DLX3: variants seen among roughly 807,000 people sequenced by gnomAD.
DLX3 encodes the protein homeobox protein DLX-3.
In DLX3, 9 loss-of-function variants were observed where a neutral mutation model predicts 28.0. The observed-to-expected ratio is 0.32, with a 90% CI of 0.19 to 0.56. The LOEUF is 0.56. Ranked by LOEUF, DLX3 falls within the 20% of genes least tolerant of loss-of-function variation. The pLI is 0.91. For synonymous variants in DLX3, 154 were observed against 167.9 expected (o/e 0.92, Z 0.64); for missense variants, 313 against 378.2 (o/e 0.83, Z 1.43).
intron 1 of DLX3, among the ~76,000 whole-genome samples, chr17:49,994,250 T>C (rs1197159374): frequency 6.6e-6 from 1 of 151,604 alleles, no homozygotes; most frequent in Non-Finnish European, 1.5e-5. Flanking sequence ...GTCCTTCTCA[T>C]TGCCCCCTCA....
intron 1 of DLX3, among the ~76,000 whole-genome samples, chr17:49,993,874 C>G (rs1056497091): frequency 6.6e-6 from 1 of 152,116 alleles, no homozygotes; most frequent in African/African-American, 2.4e-5. Context: ...GCTTCGCTCA[C>G]GACGCCTTCC....
chr17:49,991,595 T>C lies in DLX3; in HGVS notation c.786A>G (p.Leu262=). Residue 262 remains leucine (L), a synonymous_variant, in exon 3 of 3, where the codon TTA becomes TTG. Transcript: ENST00000434704. Reference sequence around the variant, plus strand: ...TGGCTGGCTGAGGCGGCTGCTGCTGTAAGTGGGGTCCACTCAGGTTCTGTG... The same window carrying C: ...TGGCTGGCTGAGGCGGCTGCTGCTGCAAGTGGGGTCCACTCAGGTTCTGTG... ...YHAQNLSGPH[L]QQQPPQPATL... is the part of the protein sequence containing the mutation. 6.2e-7 allele frequency: 1 copy of C among 1,613,286 alleles called. No individual in the cohort carries two copies.
chr17:49,993,679 C>A, intron 1 of DLX3, 89 bp from the exon 2 acceptor site: 1 of 1,443,126 alleles, frequency 6.9e-7, no homozygotes, highest in East Asian at 2.6e-5. Flanking sequence ...GGACGCCCCT[C>A]GCTTCCGCCC....
intron 1 of DLX3, 187 bp from the exon 2 acceptor site, chr17:49,993,777 GC>G: frequency 2.2e-6 from 1 of 446,110 alleles, no homozygotes; most frequent in Middle Eastern, 6.5e-4. Flanking sequence ...ACTGGCCGCG[GC>G]CCACAACGCG....
At position 49,991,493 on chromosome 17, in the gene DLX3, C is replaced by T; in HGVS notation, c.*24G>A. ...TCTGCCTGGTCCTGGGGTCCTTTGT[C>T]AAGGGTGCAGGCCAGATGGGTGCTC... On this transcript the variant is annotated 3_prime_UTR_variant, in exon 3 of 3. Coordinates refer to ENST00000434704, the MANE Select transcript of DLX3 (RefSeq NM_005220.3). 6.3e-7 allele frequency: 1 copy of T among 1,575,296 alleles called. No homozygotes were observed. Among genetic ancestry groups the T allele is most frequent in the South Asian group, 1.1e-5 (1 of 87,582 alleles).
intron 2 of DLX3, 28 bp downstream of exon 2, chr17:49,993,372 C>T: frequency 6.4e-7 from 1 of 1,572,360 alleles, no homozygotes; most frequent in Non-Finnish European, 8.6e-7. Flanking sequence ...CCGCGCGCCC[C>T]CGCGGCCCTG....
In DLX3 at chr17:49,994,739, G is replaced by A; in HGVS notation, c.260C>T (p.Thr87Ile). 1 of 1,614,190 alleles carries A rather than the reference G, an allele frequency of 6.2e-7. No individual in the cohort carries two copies. The highest frequency in any genetic ancestry group is 1.3e-5 in the African/African-American group (1 of 75,048). The part of the protein sequence containing the change: ...TGAYSPKSEY[T>I]YGASYRQYGA... ...GTATTGCCGGTAGGAGGCTCCGTAG[G>A]TATATTCCGACTTGGGCGAGTAAGC... Residue 87 changes from threonine (T) to isoleucine (I), a missense_variant, in exon 1 of 3, where the codon ACC becomes ATC. Around this residue, in one of 3 missense-constraint regions of DLX3, gnomAD observed 183 missense variants for 197.7 expected, o/e 0.93. Coordinates refer to ENST00000434704, the MANE Select transcript of DLX3 (RefSeq NM_005220.3).
chr17:49,990,301 A>C lies in DLX3; in HGVS notation c.*1216T>G, dbSNP rs894486710. The C allele has an allele frequency of 6.6e-6, 1 of 151,840 alleles. No individual in the cohort carries two copies. The highest frequency in any genetic ancestry group is 1.5e-5 in the Non-Finnish European group (1 of 67,974). The allele number at this position is 151,840 out of a possible 1,614,324, so 9.4% of individuals were successfully genotyped here. On this transcript the variant is annotated 3_prime_UTR_variant, in exon 3 of 3. Coordinates refer to ENST00000434704, the MANE Select transcript of DLX3 (RefSeq NM_005220.3). ...TTCTCTCTGTTGCTCTTAAAAAAAA[A>C]AAACTTACTATATATTTATATATAT...
rs1366468412 is a variant in DLX3 at position 49,993,936 on chromosome 17, C to G, written c.326-346G>C. Among the ~76,000 whole-genome samples, 3 of 152,132 alleles carry G rather than the reference C, an allele frequency of 2.0e-5. No homozygotes were observed. In the East Asian group the frequency reaches 5.8e-4, roughly 29 times the overall value. On this transcript the variant is annotated intron_variant, in intron 1 of 2. Transcript: ENST00000434704. ...CTCGCCGCCCGGCTGCTAGCCGCCCCCTTCCCAGTCCCATCTCGCCGTCGG... is the reference window on the plus strand; with the variant it reads ...CTCGCCGCCCGGCTGCTAGCCGCCCGCTTCCCAGTCCCATCTCGCCGTCGG...
In DLX3 at chr17:49,991,710, G is replaced by A. The variant is rs1055790164; in HGVS notation, c.671C>T (p.Pro224Leu). 119 of 1,613,764 alleles carry A rather than the reference G, an allele frequency of 7.4e-5. No individual in the cohort carries two copies. Among genetic ancestry groups the A allele is most frequent in the Non-Finnish European group, 9.4e-5 (111 of 1,179,904 alleles). ...GGGCAGCTGACTGCGGGCAGGGGCC[G>A]GAGTGGAGTGGGAAGAGGTGTCCCA... ...ALWDTSSHST[P>L]APARSQLPPP... The change falls in exon 3 of 3, where the codon CCG (proline) becomes CTG (leucine). Residue 224 changes from proline to leucine, a missense_variant. Coordinates refer to ENST00000434704, the MANE Select transcript of DLX3 (RefSeq NM_005220.3).
chr17:49,991,435 G>A lies in DLX3; in HGVS notation c.*82C>T, dbSNP rs911284133. 4.0e-6 allele frequency: 5 copies of A among 1,244,254 alleles called. No individual in the cohort carries two copies. In the South Asian group the frequency reaches 4.3e-5, roughly 11 times the overall value. 77.1% of individuals were successfully genotyped at this position (1,244,254 alleles called of 1,614,324 possible). ...GGAGTTCCTTTTCCCTGTGCTCCTC[G>A]ATGATTCCTGAGTGGCTAGGACGGA... On this transcript the variant is annotated 3_prime_UTR_variant, in exon 3 of 3. Transcript: ENST00000434704.
chr17:49,993,179 A>T (rs72839176), intron 2 of DLX3, among the ~76,000 whole-genome samples: 2,330 of 152,276 alleles, frequency 0.015, 21 homozygotes, highest in South Asian at 0.025. Flanking sequence ...GGAATTCTGG[A>T]GTAGGGGAAC....
Position 49,994,924 on chromosome 17 carries a change from G to A in DLX3, c.75C>T (p.Gly25=). The change falls in exon 1 of 3, where the codon GGC becomes GGT. Residue 25 remains glycine, a synonymous_variant. Transcript: ENST00000434704. The part of the protein sequence containing the change: ...DISSSLSCHA[G]SKDSPTLPES... ...CGGGCAGGGTAGGCGAGTCCTTGGAGCCCGCATGGCAGCTAAGGGAGCTGG... is the reference window on the plus strand; with the variant it reads ...CGGGCAGGGTAGGCGAGTCCTTGGAACCCGCATGGCAGCTAAGGGAGCTGG... The A allele has an allele frequency of 6.2e-7, 1 of 1,614,124 alleles. No individual in the cohort carries two copies. The highest frequency in any genetic ancestry group is 1.7e-4 in the Middle Eastern group (1 of 6,036).
chr17:49,994,151 A>C (rs1327949285), intron 1 of DLX3, among the ~76,000 whole-genome samples: 10 of 97,340 alleles, frequency 1.0e-4, no homozygotes, highest in East Asian at 3.0e-4. Context: ...GTCTTTCCAT[A>C]CTTCCCTCTT....
In DLX3 at chr17:49,995,200, G is replaced by GCGTCCCAAGCCA; in HGVS notation, c.-214_-203dup. On this transcript the variant is annotated 5_prime_UTR_variant, in exon 1 of 3. Transcript: ENST00000434704. ...AGGCGGTCGCTGCGCGCCTCTCCTC[G>GCGTCCCAAGCCA]CGTCCCAAGCCACAATCAAATGCTG... is the stretch of plus-strand genomic sequence containing the variant. 1.5e-6 allele frequency: 1 copy of GCGTCCCAAGCCA among 665,816 alleles called. No individual in the cohort carries two copies. The allele number at this position is 665,816 out of a possible 1,614,324, so 41.2% of individuals were successfully genotyped here. A position where few individuals can be genotyped will look rare whatever the true frequency, so the allele number is the denominator to read the frequency against.
At chr17:49,992,937 A>G (rs1205256271) in intron 2 of DLX3, among the ~76,000 whole-genome samples, 1 of 152,152 alleles carries the variant, frequency 6.6e-6, no homozygotes, top group African/African-American at 2.4e-5. Context: ...ACGCATATAC[A>G]TTCAGGGCGC....
In DLX3 at chr17:49,991,125, C is replaced by G; in HGVS notation, c.*392G>C. 5.2e-6 allele frequency: 1 copy of G among 191,106 alleles called. No individual in the cohort carries two copies. The highest frequency in any genetic ancestry group is 1.1e-5 in the Non-Finnish European group (1 of 91,808). The allele number at this position is 191,106 out of a possible 1,614,324, so 11.8% of individuals were successfully genotyped here. Reference sequence around the variant, plus strand: ...ACGGTGCCAGGTGCCCCAGCACAGGCAGGACCCGCAAACCCTCCACACTCT... The same window carrying G: ...ACGGTGCCAGGTGCCCCAGCACAGGGAGGACCCGCAAACCCTCCACACTCT... On this transcript the variant is annotated 3_prime_UTR_variant, in exon 3 of 3. Coordinates refer to ENST00000434704, the MANE Select transcript of DLX3 (RefSeq NM_005220.3).
At chr17:49,993,315 C>G in intron 2 of DLX3, 85 bp downstream of exon 2, 1 of 1,433,130 alleles carries the variant, frequency 7.0e-7, no homozygotes, top group Non-Finnish European at 9.4e-7. Flanking sequence ...CCGCAGGGCC[C>G]TTCAGTGGCC....
At chr17:49,994,551 C>T in intron 1 of DLX3, 123 bp downstream of exon 1, 1 of 1,215,110 alleles carries the variant, frequency 8.2e-7, no homozygotes, top group Non-Finnish European at 1.2e-6. Context: ...AGGCCAACTT[C>T]TCTAACTCCA....
Sources: gnomAD v4.1 joint callset for allele counts (sites outside exome capture counted in the v4.1 genomes callset) on GRCh38, gnomAD v4.1.1 for gene constraint, gnomAD v4.1.1 regional missense constraint, MANE v1.5 for transcripts, NCBI Gene and HGNC (gene_info 2026-07-23, HGNC 2026-07-21) for gene names.